The following AVEN variants were observed in gnomAD, a reference collection of about 807,000 sequenced individuals.
The protein encoded by AVEN is apoptosis and caspase activation inhibitor.
A neutral mutation model predicts 38.1 loss-of-function variants in AVEN; 41 were observed. The ratio of observed to expected loss-of-function variants is 1.08; its 90% CI spans 0.84 to 1.40. AVEN has a LOEUF of 1.40. AVEN is among the 40% of genes most tolerant of loss of function. The pLI is 0.00. For synonymous variants in AVEN, 206 were observed against 171.8 expected (o/e 1.20, Z -1.56); for missense variants, 605 against 438.8 (o/e 1.38, Z -3.38).
At chr15:33,919,425 T>C (rs1224416285) in intron 2 of AVEN, among the ~76,000 whole-genome samples, 1 of 152,176 alleles carries the variant, frequency 6.6e-6, no homozygotes, top group Admixed American at 6.5e-5. Context: ...TCATGCAACT[T>C]TGGTGTATAT....
At chr15:33,891,139 C>T (rs901252294) in intron 2 of AVEN, among the ~76,000 whole-genome samples, 1 of 151,902 alleles carries the variant, frequency 6.6e-6, no homozygotes, top group Non-Finnish European at 1.5e-5. Context: ...ACTAAAATGT[C>T]TGGCTTTTAA....
intron 2 of AVEN, among the ~76,000 whole-genome samples, chr15:33,902,659 C>T (rs564849546): frequency 1.3e-5 from 2 of 152,094 alleles, no homozygotes; most frequent in East Asian, 1.9e-4. Context: ...CGTAGAAAAC[C>T]CCAAAGATTC....
chr15:33,861,005 T>A lies in AVEN; in HGVS notation n.2730-1911A>T, dbSNP rs950817973. 5 of 1,160,856 alleles carry A rather than the reference T, an allele frequency of 4.3e-6. No individual in the cohort carries two copies. In the African/African-American group the frequency reaches 6.1e-5, roughly 14 times the overall value. The allele number at this position is 1,160,856 out of a possible 1,614,324, so 71.9% of individuals were successfully genotyped here. The stretch of plus-strand genomic sequence containing the variant: ...AAGTTTTCATTATCCTTCAATTCGA[T>A]AGAATCATGACAGTTTTCTCTCCTG... On this transcript the variant is annotated intron_variant and non_coding_transcript_variant, in intron 11 of 11. Transcript: ENST00000675287.
intron 1 of AVEN, among the ~76,000 whole-genome samples, chr15:34,015,297 C>T (rs1335635993): frequency 6.6e-5 from 10 of 152,052 alleles, no homozygotes; most frequent in Admixed American, 6.6e-4. Context: ...TCTTGGCTAA[C>T]ACAGTGAAAC....
At chr15:33,854,618 C>T, downstream of AVEN, 1 of 1,125,782 alleles carries the variant, frequency 8.9e-7, no homozygotes, top group Non-Finnish European at 1.3e-6. Context: ...AGATGGGGCT[C>T]ACTTAGCAGA....
chr15:33,987,645 G>T (rs1410471328), intron 2 of AVEN, among the ~76,000 whole-genome samples: 1 of 152,232 alleles, frequency 6.6e-6, no homozygotes, highest in African/African-American at 2.4e-5. Context: ...GCTGCTGCCA[G>T]CTGCTTGGTC....
At chr15:33,875,633 A>G (rs1320176125) in intron 3 of AVEN, among the ~76,000 whole-genome samples, 1 of 152,168 alleles carries the variant, frequency 6.6e-6, no homozygotes, top group East Asian at 1.9e-4. Flanking sequence ...AGGAAGACCA[A>G]ATGGCAAAGT....
At chr15:34,065,467 G>A (rs1226078547) in intron 4 of AVEN, 4 of 152,132 alleles carry the variant, frequency 2.6e-5, no homozygotes, top group African/African-American at 7.2e-5. Context: ...GGTGAGGTGG[G>A]GGTAGAAAGT....
At chr15:34,032,210 C>A (rs1380340935) in intron 1 of AVEN, among the ~76,000 whole-genome samples, 1 of 152,110 alleles carries the variant, frequency 6.6e-6, no homozygotes, top group Non-Finnish European at 1.5e-5. Flanking sequence ...ATAGAAAACA[C>A]CTTTGCAACC....
At chr15:33,962,541 C>G (rs1193592510) in intron 2 of AVEN, among the ~76,000 whole-genome samples, 1 of 152,006 alleles carries the variant, frequency 6.6e-6, no homozygotes, top group Non-Finnish European at 1.5e-5. Flanking sequence ...CTATTATTAC[C>G]TTAGTCTAAG....
At chr15:33,964,534 C>T (rs748772229) in intron 2 of AVEN, among the ~76,000 whole-genome samples, 1 of 151,952 alleles carries the variant, frequency 6.6e-6, no homozygotes, top group Non-Finnish European at 1.5e-5. Flanking sequence ...TCGTTTTACC[C>T]GAATGTAATA....
At chr15:33,974,498 C>T (rs1470228648) in intron 2 of AVEN, among the ~76,000 whole-genome samples, 1 of 152,202 alleles carries the variant, frequency 6.6e-6, no homozygotes, top group Non-Finnish European at 1.5e-5. Flanking sequence ...TGTGCCTCAA[C>T]CCCTATGATA....
intron 2 of AVEN, among the ~76,000 whole-genome samples, chr15:33,927,024 A>G (rs956352910): frequency 7.9e-5 from 12 of 152,080 alleles, no homozygotes; most frequent in Non-Finnish European, 1.2e-4. Flanking sequence ...GGAGGCTGAG[A>G]CAGGCGGATC....
chr15:33,852,859 T>G, the AVEN span: 1 of 552,926 alleles, frequency 1.8e-6, no homozygotes, highest in Non-Finnish European at 3.3e-6. Flanking sequence ...TACAAAGTAA[T>G]GAAGCCATAC....
intron 2 of AVEN, among the ~76,000 whole-genome samples, chr15:33,927,123 C>A (rs929066712): frequency 2.6e-5 from 4 of 151,776 alleles, no homozygotes; most frequent in Admixed American, 2.6e-4. Context: ...GGTGTGGTGG[C>A]GGGCGCCTGT....
the AVEN span, chr15:33,853,586 C>G: frequency 1.9e-6 from 3 of 1,613,856 alleles, no homozygotes; most frequent in Non-Finnish European, 2.5e-6. Context: ...CTCTACGGAG[C>G]AGAACGCATT....
intron 2 of AVEN, among the ~76,000 whole-genome samples, chr15:33,880,068 T>C (rs1366745269): frequency 6.6e-6 from 1 of 152,260 alleles, no homozygotes; most frequent in South Asian, 2.1e-4. Flanking sequence ...ATTTACTGTA[T>C]ACCCTAAAAC....
At chr15:33,924,698 C>T (rs989627798) in intron 2 of AVEN, among the ~76,000 whole-genome samples, 1 of 152,162 alleles carries the variant, frequency 6.6e-6, no homozygotes, top group African/African-American at 2.4e-5. Flanking sequence ...TTTTTCAAAG[C>T]ATTTTGAAGT....
At chr15:33,980,982 T>C (rs1482209701) in intron 2 of AVEN, among the ~76,000 whole-genome samples, 1 of 152,172 alleles carries the variant, frequency 6.6e-6, no homozygotes, top group African/African-American at 2.4e-5. Flanking sequence ...AGTAAAAACT[T>C]TCTCACTTTA....
Sources: gnomAD v4.1 joint callset for allele counts (sites outside exome capture counted in the v4.1 genomes callset) on GRCh38, gnomAD v4.1.1 for gene constraint, MANE v1.5 for transcripts, NCBI Gene and HGNC (gene_info 2026-07-23, HGNC 2026-07-21) for gene names.